NFIC: variants seen among roughly 807,000 people sequenced by gnomAD.
NFIC encodes the protein nuclear factor I C.
NFIC carries 12 observed loss-of-function variants against 54.4 expected under a neutral mutation model. The observed-to-expected ratio is 0.22, with a 90% CI of 0.14 to 0.36. NFIC has a LOEUF of 0.36. Among genes scored for constraint, NFIC ranks in the 10% least tolerant of loss-of-function variants. The pLI, the probability that NFIC is intolerant of heterozygous loss-of-function variation, is 1.00. For synonymous variants in NFIC, 322 were observed against 319.2 expected (o/e 1.01, Z -0.09); for missense variants, 575 against 718.2 (o/e 0.80, Z 2.28).
In NFIC at chr19:3,375,832, C is replaced by T. The variant is rs1212124229; in HGVS notation, c.31-5880C>T. On this transcript the variant is annotated intron_variant, in intron 1 of 10. Coordinates refer to ENST00000443272, the MANE Select transcript of NFIC (RefSeq NM_001245002.2). This position sits in a 1 kb window ranked among gnomAD's most constrained non-coding sequence, Gnocchi z 4.6. ...GTGATCTGGCAGCAGCTGCTCTGCCCATCCCGGCCTGGAAATGGGACCGAG... is the reference window on the plus strand; with the variant it reads ...GTGATCTGGCAGCAGCTGCTCTGCCTATCCCGGCCTGGAAATGGGACCGAG... 6.6e-6 allele frequency among the ~76,000 whole-genome samples: 1 copy of T among 152,200 alleles called. No homozygotes were observed. Among genetic ancestry groups the T allele is most frequent in the Non-Finnish European group, 1.5e-5 (1 of 68,038 alleles).
chr19:3,397,813 C>T (rs1308467618), intron 2 of NFIC, among the ~76,000 whole-genome samples: 1 of 152,222 alleles, frequency 6.6e-6, no homozygotes, highest in Admixed American at 6.5e-5. Flanking sequence ...AGGCTGCGTC[C>T]ACTCCCAAAT....
chr19:3,441,375 A>G (rs966312942), intron 6 of NFIC, among the ~76,000 whole-genome samples: 3 of 152,238 alleles, frequency 2.0e-5, no homozygotes, highest in Non-Finnish European at 2.9e-5. Flanking sequence ...CCTCCCGGCA[A>G]CACTCTGTGA....
chr19:3,384,049 GTTT>G (rs72250156), intron 2 of NFIC, among the ~76,000 whole-genome samples: 209 of 132,786 alleles, frequency 1.6e-3, no homozygotes, highest in African/African-American at 4.3e-3. Flanking sequence ...GTTACCCAGT[GTTT>G]TTTTTTTTTT....
chr19:3,414,744 C>A (rs62125964), intron 2 of NFIC, among the ~76,000 whole-genome samples: 27,270 of 152,092 alleles, frequency 0.18, 3,300 homozygotes, highest in East Asian at 0.47. Context: ...TTCCAAAACC[C>A]TCCACAGAGA....
intron 2 of NFIC, among the ~76,000 whole-genome samples, chr19:3,420,423 G>A (rs958793549): frequency 1.6e-4 from 25 of 151,936 alleles, no homozygotes; most frequent in Non-Finnish European, 3.2e-4. Flanking sequence ...GTGGTGGCAC[G>A]TGCCTGTAAT....
At chr19:3,447,592 C>T (rs1027159867) in intron 6 of NFIC, among the ~76,000 whole-genome samples, 1 of 152,260 alleles carries the variant, frequency 6.6e-6, no homozygotes, top group African/African-American at 2.4e-5. Context: ...CCCCGATGCC[C>T]AGGGATCTGG....
chr19:3,460,645 C>G (rs2082625253), intron 10 of NFIC, among the ~76,000 whole-genome samples: 1 of 152,070 alleles, frequency 6.6e-6, no homozygotes, highest in African/African-American at 2.4e-5. Flanking sequence ...TCCCGAGTAG[C>G]TGGGATTACA....
At chr19:3,360,746 C>A (rs2080800261) in intron 1 of NFIC, among the ~76,000 whole-genome samples, 1 of 152,186 alleles carries the variant, frequency 6.6e-6, no homozygotes, top group Admixed American at 6.5e-5. Flanking sequence ...CGCGTCCCTG[C>A]GGGACGGTGT....
At chr19:3,442,209 G>A (rs190961968) in intron 6 of NFIC, among the ~76,000 whole-genome samples, 2 of 152,216 alleles carry the variant, frequency 1.3e-5, no homozygotes, top group African/African-American at 2.4e-5. Context: ...ACGCGGCTGC[G>A]TGGGGTGGAG....
At chr19:3,395,522 G>T (rs890649722) in intron 2 of NFIC, among the ~76,000 whole-genome samples, 2 of 145,704 alleles carry the variant, frequency 1.4e-5, no homozygotes, top group Non-Finnish European at 1.5e-5. Flanking sequence ...GTAGAGATGA[G>T]GTCTCACTAT....
chr19:3,376,390 C>T (rs944332509), intron 1 of NFIC, among the ~76,000 whole-genome samples: 7 of 138,434 alleles, frequency 5.1e-5, no homozygotes, highest in Non-Finnish European at 9.0e-5. Context: ...GATCATGCCA[C>T]CGCCCTCCAG....
chr19:3,462,762 T>A lies in NFIC; in HGVS notation c.1520T>A (p.Leu507Gln), dbSNP rs1009618129. 2 of 1,613,966 alleles carry A rather than the reference T, an allele frequency of 1.2e-6. No homozygotes were observed. The highest frequency in any genetic ancestry group is 3.3e-5 in the Admixed American group (2 of 59,988). The change falls in exon 11 of 11, where the codon CTG becomes CAG. Residue 507 changes from leucine (L) to glutamine (Q), a missense_variant. This residue lies in a region of NFIC where 447 missense variants were observed against 526.9 expected (regional missense o/e 0.85). Transcript: ENST00000443272. ...CACTGGGCCACTCAGTCCTGGTATC[T>A]GGGATAGCAAAGGTCTTCTTCCCTC... ...AGIYQAQSWYLG is the reference protein window; with the variant it reads ...AGIYQAQSWYQG
intron 3 of NFIC, among the ~76,000 whole-genome samples, chr19:3,425,552 C>T (rs1202472349): frequency 6.6e-6 from 1 of 151,174 alleles, no homozygotes; most frequent in Non-Finnish European, 1.5e-5. Flanking sequence ...CTCCGCTTCC[C>T]GGGTTCAAGT....
chr19:3,437,455 G>A (rs560682755), intron 6 of NFIC, among the ~76,000 whole-genome samples: 4 of 152,128 alleles, frequency 2.6e-5, no homozygotes, highest in Admixed American at 2.6e-4. Flanking sequence ...CCCTTCCACA[G>A]TGTGGGCTCC....
At chr19:3,448,909 C>T (rs1365484677) in intron 6 of NFIC, 105 bp from the exon 7 acceptor site, 74 of 1,478,186 alleles carry the variant, frequency 5.0e-5, no homozygotes, top group Non-Finnish European at 6.3e-5. Flanking sequence ...TAAGAGGAGG[C>T]GGGGTGATGA....
chr19:3,393,983 C>G (rs2081417434), intron 2 of NFIC, among the ~76,000 whole-genome samples: 1 of 151,358 alleles, frequency 6.6e-6, no homozygotes, highest in Admixed American at 6.6e-5. Context: ...CGCTCTGTCG[C>G]CCAGGCTGGA....
At chr19:3,420,554 A>AAAAT (rs1215664446) in intron 2 of NFIC, among the ~76,000 whole-genome samples, 1 of 147,186 alleles carries the variant, frequency 6.8e-6, no homozygotes, top group African/African-American at 2.6e-5. Flanking sequence ...TTCCATCTCA[A>AAAAT]AAAAATAAAT....
At position 3,464,254 on chromosome 19, in the gene NFIC, C is replaced by T; in HGVS notation, c.*1485C>T. On this transcript the variant is annotated 3_prime_UTR_variant, in exon 11 of 11. Coordinates refer to ENST00000443272, the MANE Select transcript of NFIC (RefSeq NM_001245002.2). ...AGAGAGGAGGCCGACGCCAGCGGTC[C>T]CCGCTCGGAACGGGGAGGGTTTTCG... The T allele has an allele frequency of 1.0e-6, 1 of 985,414 alleles. No individual in the cohort carries two copies. 61.0% of individuals were successfully genotyped at this position (985,414 alleles called of 1,614,324 possible). A position where few individuals can be genotyped will look rare whatever the true frequency, so the allele number is the denominator to read the frequency against.
At chr19:3,449,627 G>A (rs1162956886) in intron 7 of NFIC, among the ~76,000 whole-genome samples, 2 of 151,720 alleles carry the variant, frequency 1.3e-5, no homozygotes, top group Non-Finnish European at 2.9e-5. Context: ...AGGCGTGGTG[G>A]CACGCACCTG....
Sources: gnomAD v4.1 joint callset for allele counts (sites outside exome capture counted in the v4.1 genomes callset) on GRCh38, gnomAD v4.1.1 for gene constraint, gnomAD v4.1.1 regional missense constraint, Gnocchi (gnomAD v3.1) non-coding constraint, MANE v1.5 for transcripts, NCBI Gene and HGNC (gene_info 2026-07-23, HGNC 2026-07-21) for gene names.